DLGAP2: variants seen among roughly 807,000 people sequenced by gnomAD.
DLGAP2 encodes the protein disks large-associated protein 2.
A neutral mutation model predicts 100.3 loss-of-function variants in DLGAP2; 26 were observed. The ratio of observed to expected loss-of-function variants is 0.26; its 90% CI spans 0.19 to 0.36. The LOEUF is 0.36. Among genes scored for constraint, DLGAP2 ranks in the 10% least tolerant of loss-of-function variants. DLGAP2 has a pLI of 1.00. For synonymous variants in DLGAP2, 886 were observed against 630.1 expected (o/e 1.41, Z -6.08); for missense variants, 1,858 against 1,453.2 (o/e 1.28, Z -4.53).
intron 1 of DLGAP2, among the ~76,000 whole-genome samples, chr8:899,138 C>T (rs1798202390): frequency 6.6e-6 from 1 of 152,226 alleles, no homozygotes; most frequent in Non-Finnish European, 1.5e-5. Flanking sequence ...GTCTTCACGC[C>T]ACTGACGCCG....
chr8:1,302,298 CGGAATTTTCTGTGAGTTCCCG>C (rs1554438350), intron 3 of DLGAP2: 3 of 125,732 alleles, frequency 2.4e-5, no homozygotes, highest in African/African-American at 1.1e-4. Flanking sequence ...GGACCGGACT[CGGAATTTTCTGTGAGTTCCCG>C]AGCTCTGCTC....
intron 3 of DLGAP2, among the ~76,000 whole-genome samples, chr8:1,454,203 G>A (rs549622784): frequency 2.0e-4 from 31 of 152,300 alleles, no homozygotes; most frequent in Non-Finnish European, 4.1e-4. Flanking sequence ...TGACAAGCAC[G>A]TCCACAGCCG....
intron 2 of DLGAP2, among the ~76,000 whole-genome samples, chr8:1,123,271 T>C (rs1796091508): frequency 6.6e-6 from 1 of 152,190 alleles, no homozygotes; most frequent in Non-Finnish European, 1.5e-5. Flanking sequence ...ATGAAAAATG[T>C]TTTTTATTAC....
At chr8:1,486,014 G>T (rs899057398) in intron 3 of DLGAP2, among the ~76,000 whole-genome samples, 2 of 152,132 alleles carry the variant, frequency 1.3e-5, no homozygotes, top group Admixed American at 1.3e-4. Flanking sequence ...GTGACAGAAA[G>T]AGACTCCATC....
intron 2 of DLGAP2, among the ~76,000 whole-genome samples, chr8:1,250,865 G>C (rs920149269): frequency 6.6e-6 from 1 of 152,210 alleles, no homozygotes; most frequent in African/African-American, 2.4e-5. Flanking sequence ...AGGTAACGAC[G>C]GGGTGACGCT....
At chr8:1,218,510 A>C (rs57729058) in intron 2 of DLGAP2, among the ~76,000 whole-genome samples, 39,070 of 151,684 alleles carry the variant, frequency 0.26, 7,391 homozygotes, top group African/African-American at 0.53. Flanking sequence ...TTTTTTTACC[A>C]GTACCATGTT....
At chr8:901,949 G>T (rs866101243) in intron 1 of DLGAP2, among the ~76,000 whole-genome samples, 5 of 152,216 alleles carry the variant, frequency 3.3e-5, no homozygotes, top group African/African-American at 1.2e-4. Context: ...GAGGAAACTG[G>T]CTGGAGGGCA....
At chr8:1,205,317 C>T (rs772698343) in intron 2 of DLGAP2, among the ~76,000 whole-genome samples, 3 of 152,110 alleles carry the variant, frequency 2.0e-5, no homozygotes, top group South Asian at 4.1e-4. Context: ...CCTGAGGCGA[C>T]GGGCAGCCTG....
chr8:771,887 G>C (rs1479776573), intron 1 of DLGAP2, among the ~76,000 whole-genome samples: 1 of 152,152 alleles, frequency 6.6e-6, no homozygotes, highest in African/African-American at 2.4e-5. Flanking sequence ...AGAATTCTAG[G>C]CTCATCTGCA....
chr8:1,200,440 T>G (rs913059894), intron 2 of DLGAP2, among the ~76,000 whole-genome samples: 49 of 152,330 alleles, frequency 3.2e-4, no homozygotes, highest in African/African-American at 1.1e-3. Context: ...TCATGGTGTT[T>G]CCGTTCACAC....
intron 2 of DLGAP2, among the ~76,000 whole-genome samples, chr8:1,138,129 G>A (rs6983098): frequency 0.03 from 4,519 of 152,338 alleles, 141 homozygotes; most frequent in African/African-American, 0.08. Flanking sequence ...CCAGCAGAGC[G>A]AGCCTGAGAA....
chr8:1,479,780 A>T (rs1166920427), intron 3 of DLGAP2, among the ~76,000 whole-genome samples: 1 of 152,096 alleles, frequency 6.6e-6, no homozygotes, highest in Non-Finnish European at 1.5e-5. Context: ...GCTGGCTGTT[A>T]ATTTTTGGTG....
intron 3 of DLGAP2, among the ~76,000 whole-genome samples, chr8:1,328,498 T>TTTTG (rs536738376): frequency 6.6e-6 from 1 of 151,872 alleles, no homozygotes; most frequent in South Asian, 2.1e-4. Context: ...TTTTTTGTTT[T>TTTTG]TTTGTTTGTT....
At chr8:1,140,833 C>T (rs757456279) in intron 2 of DLGAP2, among the ~76,000 whole-genome samples, 3 of 152,226 alleles carry the variant, frequency 2.0e-5, no homozygotes, top group Non-Finnish European at 2.9e-5. Flanking sequence ...ATTAGCTAGG[C>T]GTGGTGGCAT....
intron 6 of DLGAP2, among the ~76,000 whole-genome samples, chr8:1,575,947 T>C (rs903076124): frequency 6.6e-6 from 1 of 152,180 alleles, no homozygotes; most frequent in African/African-American, 2.4e-5. Flanking sequence ...TGTGCCTTTA[T>C]AGCAGCATGA....
chr8:1,359,453 G>A (rs1034798262), intron 3 of DLGAP2, among the ~76,000 whole-genome samples: 5 of 152,274 alleles, frequency 3.3e-5, no homozygotes, highest in African/African-American at 9.6e-5. Context: ...GCCCAGGAAC[G>A]TGGGCGTGGG....
In DLGAP2 at chr8:1,681,459, C is replaced by T. The variant is rs116749994; in HGVS notation, c.2704+2830C>T. Among the ~76,000 whole-genome samples, 1,289 of 152,002 alleles carry T rather than the reference C, an allele frequency of 8.5e-3. 23 individuals are homozygous for T. The highest frequency in any genetic ancestry group is 0.03 in the African/African-American group (1,239 of 41,424). Reference sequence around the variant, plus strand: ...ACCAGCCTGGACAACACAGTGAGACCTTGTCTCTACCAAAAAAAATAATAA... The same window carrying T: ...ACCAGCCTGGACAACACAGTGAGACTTTGTCTCTACCAAAAAAAATAATAA... On this transcript the variant is annotated intron_variant, in intron 12 of 14. Transcript: ENST00000637795.
At chr8:1,672,877 G>A (rs912334529) in intron 10 of DLGAP2, among the ~76,000 whole-genome samples, 4 of 152,196 alleles carry the variant, frequency 2.6e-5, no homozygotes, top group Admixed American at 6.5e-5. Context: ...AAGGAAGAGC[G>A]GAAAATGAGC....
rs1359204553 is a variant in DLGAP2 at position 1,392,043 on chromosome 8, T to A, written c.107-109323T>A. The stretch of plus-strand genomic sequence containing the variant: ...GTTTGAATCGCCTTATCTATCCCCT[T>A]GTTGCGATGCTGTAGGATCTTTCAG... On this transcript the variant is annotated intron_variant, in intron 3 of 14. Transcript: ENST00000637795. Among the ~76,000 whole-genome samples the A allele has an allele frequency of 2.0e-5, 3 of 152,216 alleles. No individual in the cohort carries two copies. In the South Asian group the frequency reaches 6.2e-4, roughly 32 times the overall value.
Sources: allele counts gnomAD v4.1 joint callset (sites outside exome capture counted in the v4.1 genomes callset), GRCh38; gene constraint gnomAD v4.1.1; transcripts MANE v1.5; gene names NCBI Gene and HGNC (gene_info 2026-07-23, HGNC 2026-07-21).